KANSL1: variants seen among roughly 807,000 people sequenced by gnomAD.
The protein encoded by KANSL1 is MLL1/MLL complex subunit KANSL1.
In KANSL1, 22 loss-of-function variants were observed where a neutral mutation model predicts 103.6. The observed-to-expected ratio is 0.21, with a 90% CI of 0.15 to 0.30. KANSL1 has a LOEUF of 0.30. Among genes scored for constraint, KANSL1 ranks in the 10% least tolerant of loss-of-function variants. The pLI is 1.00. For synonymous variants in KANSL1, 600 were observed against 527.6 expected, an observed-to-expected ratio of 1.14 and a Z score of -1.88; for missense variants, 1,337 against 1,399.8, an observed-to-expected ratio of 0.96 and a Z score of 0.72.
At chr17:46,113,719 G>A (rs17660907) in intron 2 of KANSL1, among the ~76,000 whole-genome samples, 21,631 of 151,820 alleles carry the variant, frequency 0.14, 2,119 homozygotes, top group Non-Finnish European at 0.22. Context: ...AGTCTACCCT[G>A]TATGTACAGA....
intron 3 of KANSL1, among the ~76,000 whole-genome samples, chr17:46,091,837 G>A (rs1272033318): frequency 6.6e-6 from 1 of 151,648 alleles, no homozygotes; most frequent in African/African-American, 2.4e-5. Context: ...ATGTATATGA[G>A]ACAGAGACTC....
chr17:46,055,013 A>G (rs62063685), intron 6 of KANSL1, among the ~76,000 whole-genome samples: 21,741 of 151,408 alleles, frequency 0.14, 2,127 homozygotes, highest in Non-Finnish European at 0.22. Flanking sequence ...ACAACACCTG[A>G]CTAATGTTTG....
In KANSL1 at chr17:46,030,658, G is replaced by A. The variant is rs2076983489; in HGVS notation, c.*818C>T. 1 of 152,088 alleles carries A rather than the reference G, an allele frequency of 6.6e-6. No homozygotes were observed. Among genetic ancestry groups the A allele is most frequent in the East Asian group, 1.9e-4 (1 of 5,178 alleles). The allele number at this position is 152,088 out of a possible 1,614,324, so 9.4% of individuals were successfully genotyped here. A position where few individuals can be genotyped will look rare whatever the true frequency, so the allele number is the denominator to read the frequency against. Reference sequence around the variant, plus strand: ...CACAACCCCCAGTTTGCAGGGGAGTGGGAATAGAGGTTAAGTAGTCCTAAC... The same window carrying A: ...CACAACCCCCAGTTTGCAGGGGAGTAGGAATAGAGGTTAAGTAGTCCTAAC... On this transcript the variant is annotated 3_prime_UTR_variant, in exon 15 of 15. Transcript: ENST00000432791.
intron 2 of KANSL1, among the ~76,000 whole-genome samples, chr17:46,125,529 C>G (rs537636472): frequency 6.6e-6 from 1 of 152,232 alleles, no homozygotes; most frequent in South Asian, 2.1e-4. Flanking sequence ...GTCTAGATCC[C>G]AAATACATCT....
At chr17:46,213,432 C>T (rs957719576) in intron 1 of KANSL1, among the ~76,000 whole-genome samples, 1 of 151,120 alleles carries the variant, frequency 6.6e-6, no homozygotes, top group African/African-American at 2.4e-5. Flanking sequence ...TCCCGAGTAG[C>T]TGGGACTACA....
At chr17:46,137,771 G>T (rs1473533288) in intron 2 of KANSL1, among the ~76,000 whole-genome samples, 4 of 151,784 alleles carry the variant, frequency 2.6e-5, no homozygotes, top group African/African-American at 9.7e-5. Context: ...GGAGGCTGAG[G>T]CAGGAGAATG....
intron 2 of KANSL1, among the ~76,000 whole-genome samples, chr17:46,100,769 G>A (rs561620712): frequency 6.6e-6 from 1 of 152,202 alleles, no homozygotes; most frequent in Non-Finnish European, 1.5e-5. Flanking sequence ...CAATCCAGTA[G>A]AACAGGGCTG....
chr17:46,206,360 G>C (rs991188281), intron 1 of KANSL1, among the ~76,000 whole-genome samples: 1 of 152,256 alleles, frequency 6.6e-6, no homozygotes, highest in African/African-American at 2.4e-5. Flanking sequence ...TGTGGGTTCA[G>C]AAATAAACCT....
intron 4 of KANSL1, among the ~76,000 whole-genome samples, chr17:46,068,942 T>G (rs186263688): frequency 6.6e-6 from 1 of 152,260 alleles, no homozygotes; most frequent in East Asian, 1.9e-4. Context: ...CTTTATTTTT[T>G]TGAGATGAAG....
intron 2 of KANSL1, among the ~76,000 whole-genome samples, chr17:46,104,672 C>A (rs1374338949): frequency 6.6e-6 from 1 of 152,142 alleles, no homozygotes; most frequent in Non-Finnish European, 1.5e-5. Flanking sequence ...ATTTTAAAAA[C>A]ACTTAACTGA....
chr17:46,085,789 G>A (rs908085181), intron 3 of KANSL1, among the ~76,000 whole-genome samples: 2 of 152,136 alleles, frequency 1.3e-5, no homozygotes, highest in African/African-American at 2.4e-5. Context: ...ACCACACCCA[G>A]CTAATTGTTC....
In KANSL1 at chr17:46,171,658, A is replaced by G; in HGVS notation, c.486T>C (p.Thr162=). The change falls in exon 2 of 15, where the codon ACT becomes ACC. Residue 162 remains threonine, a synonymous_variant. Coordinates refer to ENST00000432791, the MANE Select transcript of KANSL1 (RefSeq NM_015443.4). ...CATGATCAGAATGTGTTGAACTTTT[A>G]GTCAATTTCTTAGCCAACCCATTTA... ...APVNGLAKKL[T]KSSTHSDHDN... 4 of 1,552,976 alleles carry G rather than the reference A, an allele frequency of 2.6e-6. No homozygotes were observed.
intron 3 of KANSL1, among the ~76,000 whole-genome samples, chr17:46,087,537 A>G (rs2079212107): frequency 6.6e-6 from 1 of 152,204 alleles, no homozygotes; most frequent in Non-Finnish European, 1.5e-5. Flanking sequence ...TACCATAAGG[A>G]GCTTATGTTC....
At chr17:46,165,078 G>A (rs1177871243) in intron 2 of KANSL1, among the ~76,000 whole-genome samples, 1 of 152,186 alleles carries the variant, frequency 6.6e-6, no homozygotes, top group Non-Finnish European at 1.5e-5. Flanking sequence ...CTGCACTCCA[G>A]CCTGAGTGAC....
chr17:46,207,083 C>A (rs2047993544), intron 1 of KANSL1, among the ~76,000 whole-genome samples: 1 of 152,060 alleles, frequency 6.6e-6, no homozygotes, highest in Non-Finnish European at 1.5e-5. Context: ...TATAGCAAGA[C>A]CCTGTCTCTA....
chr17:46,059,268 G>A (rs62060785), intron 6 of KANSL1, among the ~76,000 whole-genome samples: 21,785 of 152,056 alleles, frequency 0.14, 2,133 homozygotes, highest in Non-Finnish European at 0.22. Flanking sequence ...TCTGAAAAGG[G>A]CAGAGATGTT....
chr17:46,099,685 T>C (rs996204524), intron 2 of KANSL1, among the ~76,000 whole-genome samples: 1 of 152,272 alleles, frequency 6.6e-6, no homozygotes, highest in African/African-American at 2.4e-5. Context: ...GTTTTAACTA[T>C]GTGCCTGAGT....
intron 2 of KANSL1, among the ~76,000 whole-genome samples, chr17:46,125,097 G>GGAGA (rs1567702820): frequency 1.3e-5 from 1 of 77,664 alleles, no homozygotes; most frequent in Non-Finnish European, 2.8e-5. Context: ...AGGGAGGGAG[G>GGAGA]GAGAGAGGGA....
chr17:46,201,822 T>C (rs1277173486), intron 1 of KANSL1, among the ~76,000 whole-genome samples: 3 of 151,892 alleles, frequency 2.0e-5, no homozygotes, highest in African/African-American at 2.4e-5. Context: ...GCCTGGGCAA[T>C]GTAGCAAAAC....
Sources: gnomAD v4.1 joint callset for allele counts (sites outside exome capture counted in the v4.1 genomes callset) on GRCh38, gnomAD v4.1.1 for gene constraint, MANE v1.5 for transcripts, NCBI Gene and HGNC (gene_info 2026-07-23, HGNC 2026-07-21) for gene names.